Variants in TLK2 observed in about 807,000 individuals in gnomAD.
TLK2 encodes the protein tousled like kinase 2.
A neutral mutation model predicts 117.3 loss-of-function variants in TLK2; 6 were observed. The ratio of observed to expected loss-of-function variants is 0.05; its 90% confidence interval spans 0.03 to 0.10. The LOEUF is 0.10. Among genes scored for constraint, TLK2 ranks in the 10% least tolerant of loss-of-function variants. The pLI is 1.00. For missense variants in TLK2, 299 were observed against 901.2 expected (o/e 0.33, Z 8.56); for synonymous variants, 257 against 316.7 (o/e 0.81, Z 2.00).
At chr17:62,605,295 G>A (rs151137484) in intron 19 of TLK2, among the ~76,000 whole-genome samples, 2,153 of 152,256 alleles carry the variant, frequency 0.014, 16 homozygotes, top group Middle Eastern at 0.054. Context: ...AGTGAAGTGG[G>A]ACTAGTGAGA....
At chr17:62,483,003 C>T (rs1391067187) in intron 2 of TLK2, among the ~76,000 whole-genome samples, 2 of 152,094 alleles carry the variant, frequency 1.3e-5, no homozygotes, top group Non-Finnish European at 2.9e-5. Context: ...AGTGGCTGTG[C>T]CCCTGGACGT....
At chr17:62,514,866 A>T (rs1344028405) in intron 2 of TLK2, among the ~76,000 whole-genome samples, 3 of 152,184 alleles carry the variant, frequency 2.0e-5, no homozygotes, top group Non-Finnish European at 4.4e-5. Flanking sequence ...GGCGTGAGCC[A>T]CCGCGCCCAG....
intron 2 of TLK2, among the ~76,000 whole-genome samples, chr17:62,485,424 A>G (rs1008695361): frequency 6.6e-6 from 1 of 152,198 alleles, no homozygotes; most frequent in Non-Finnish European, 1.5e-5. Context: ...AAAATGGCCA[A>G]ATCTCCACAT....
intron 2 of TLK2, chr17:62,508,330 A>C: frequency 1.6e-6 from 1 of 630,612 alleles, no homozygotes; most frequent in Non-Finnish European, 2.0e-6. Context: ...AATACCACAT[A>C]GTTAAACTTA....
chr17:62,577,504 A>G lies in TLK2; in HGVS notation c.1188+729A>G, dbSNP rs148363057. 2.6e-5 allele frequency among the ~76,000 whole-genome samples: 4 copies of G among 152,354 alleles called. No individual in the cohort carries two copies. In the East Asian group the frequency reaches 5.8e-4, roughly 22 times the overall value. On this transcript the variant is annotated intron_variant, in intron 13 of 21. Transcript: ENST00000346027. ...AAACTAGCTAAAAAGAGAAAGTGTT[A>G]TGTGAACCTTATTCAAATACAAAGG...
In TLK2 at chr17:62,613,356, A is replaced by G. The variant is rs1451554968; in HGVS notation, c.*791A>G. 6.6e-6 allele frequency: 1 copy of G among 152,646 alleles called. No individual in the cohort carries two copies. Among genetic ancestry groups the G allele is most frequent in the Non-Finnish European group, 1.5e-5 (1 of 68,034 alleles). The allele number at this position is 152,646 out of a possible 1,614,324, so 9.5% of individuals were successfully genotyped here. A position where few individuals can be genotyped will look rare whatever the true frequency, so the allele number is the denominator to read the frequency against. On this transcript the variant is annotated 3_prime_UTR_variant, in exon 22 of 22. Coordinates refer to ENST00000346027, the MANE Select transcript of TLK2 (RefSeq NM_006852.6). Reference sequence around the variant, plus strand: ...GTGGGTTTTTGCCATTGGACAAAGAATGAGGTTAGAAGACTGCAGCTTGGA... The same window carrying G: ...GTGGGTTTTTGCCATTGGACAAAGAGTGAGGTTAGAAGACTGCAGCTTGGA...
chr17:62,566,592 C>G (rs2146477769), intron 11 of TLK2, among the ~76,000 whole-genome samples: 1 of 152,306 alleles, frequency 6.6e-6, no homozygotes, highest in South Asian at 2.1e-4. Flanking sequence ...AGCATTCACT[C>G]TGTGCTCTTA....
At chr17:62,527,456 G>T (rs2076440575) in intron 6 of TLK2, among the ~76,000 whole-genome samples, 1 of 151,726 alleles carries the variant, frequency 6.6e-6, no homozygotes, top group Non-Finnish European at 1.5e-5. Context: ...AAGTCCCCCT[G>T]AGTTCCCTTT....
At chr17:62,570,571 C>T (rs1567943096) in intron 11 of TLK2, among the ~76,000 whole-genome samples, 1 of 152,156 alleles carries the variant, frequency 6.6e-6, no homozygotes, top group Non-Finnish European at 1.5e-5. Flanking sequence ...GATAGACTCT[C>T]TTTATTCTTT....
chr17:62,547,146 A>T (rs2078008541), intron 7 of TLK2, among the ~76,000 whole-genome samples: 1 of 152,204 alleles, frequency 6.6e-6, no homozygotes, highest in Non-Finnish European at 1.5e-5. Flanking sequence ...ATTTCATACT[A>T]TAAACTATTG....
intron 2 of TLK2, among the ~76,000 whole-genome samples, chr17:62,496,942 GT>G (rs1357123884): frequency 6.9e-6 from 1 of 144,778 alleles, no homozygotes; most frequent in East Asian, 2.1e-4. Context: ...GGGCAACAGA[GT>G]GAGACTCCAT....
intron 21 of TLK2, among the ~76,000 whole-genome samples, chr17:62,611,362 CA>C (rs2083747156): frequency 6.6e-6 from 1 of 152,152 alleles, no homozygotes; most frequent in Non-Finnish European, 1.5e-5. Context: ...ATTTGTTTAT[CA>C]AACATGGGGG....
At chr17:62,580,424 CAAG>C (rs1183433024) in intron 15 of TLK2, among the ~76,000 whole-genome samples, 6 of 146,642 alleles carry the variant, frequency 4.1e-5, no homozygotes, top group South Asian at 4.5e-4. Context: ...ATTTAAAAAA[CAAG>C]AAGGAAATAT....
At chr17:62,583,199 C>T (rs1432581444) in intron 15 of TLK2, among the ~76,000 whole-genome samples, 1 of 152,134 alleles carries the variant, frequency 6.6e-6, no homozygotes, top group African/African-American at 2.4e-5. Flanking sequence ...TCAAGTGATT[C>T]TGCTGCCTCA....
chr17:62,611,466 G>GA (rs1568025300), intron 21 of TLK2, among the ~76,000 whole-genome samples: 3 of 152,102 alleles, frequency 2.0e-5, no homozygotes, highest in African/African-American at 7.2e-5. Context: ...TAGCAAAACT[G>GA]AAAGTATAGA....
At chr17:62,585,914 G>C in intron 15 of TLK2, 1 of 406,446 alleles carries the variant, frequency 2.5e-6, no homozygotes, top group Non-Finnish European at 4.5e-6. Flanking sequence ...GTGTTGGCCT[G>C]GTTTTATGTT....
At chr17:62,593,831 C>T (rs1426283300) in intron 16 of TLK2, among the ~76,000 whole-genome samples, 2 of 139,922 alleles carry the variant, frequency 1.4e-5, no homozygotes, top group South Asian at 2.2e-4. Context: ...CTCACTCTGT[C>T]GCCCAGGCTG....
intron 19 of TLK2, among the ~76,000 whole-genome samples, chr17:62,603,521 T>C (rs1391603314): frequency 6.6e-6 from 1 of 152,146 alleles, no homozygotes; most frequent in Non-Finnish European, 1.5e-5. Context: ...AGCTTTGTGT[T>C]TGATCTTTTT....
intron 14 of TLK2, 69 bp from the exon 15 acceptor site, chr17:62,580,042 G>C: frequency 7.9e-7 from 1 of 1,259,764 alleles, no homozygotes; most frequent in Non-Finnish European, 1.1e-6. Flanking sequence ...TAGATATTCT[G>C]GGAATTTTGC....
Sources: gnomAD v4.1 joint callset for allele counts (sites outside exome capture counted in the v4.1 genomes callset) on GRCh38, gnomAD v4.1.1 for gene constraint, MANE v1.5 for transcripts, NCBI Gene and HGNC (gene_info 2026-07-23, HGNC 2026-07-21) for gene names.